The following HECW2 variants were observed in gnomAD, a reference collection of about 807,000 sequenced individuals.
HECW2 encodes E3 ubiquitin-protein ligase HECW2.
A neutral mutation model predicts 175.2 loss-of-function variants in HECW2; 61 were observed. That is an observed-to-expected ratio of 0.35 (90% CI 0.28 to 0.43). HECW2 has a LOEUF of 0.43. Among genes scored for constraint, HECW2 ranks in the 20% least tolerant of loss-of-function variants. The pLI is 1.00. For synonymous variants in HECW2, 671 were observed against 731.0 expected (o/e 0.92, Z 1.32); for missense variants, 1,524 against 2,000.5 (o/e 0.76, Z 4.54).
intron 1 of HECW2, among the ~76,000 whole-genome samples, chr2:196,528,997 C>G (rs1449775718): frequency 6.6e-6 from 1 of 152,202 alleles, no homozygotes; most frequent in African/African-American, 2.4e-5. Flanking sequence ...CTAATGAGAG[C>G]AATTCTTGCC....
In HECW2 at chr2:196,318,725, GC is replaced by G; in HGVS notation, c.2164del (p.Ala722GlnfsTer108). On this transcript the variant is annotated frameshift_variant, in exon 9 of 29. Coordinates refer to ENST00000644978, the MANE Select transcript of HECW2 (RefSeq NM_001348768.2). LOFTEE classifies it high-confidence loss of function. Reference sequence around the variant, plus strand: ...CTGGTCAGGTACAGTGGCCGATTCTGCCCCTGGCCCTTCATCCTCCCCACTG... The same window carrying G: ...CTGGTCAGGTACAGTGGCCGATTCTGCCCTGGCCCTTCATCCTCCCCACTG... The part of the protein sequence containing the change: ...VPSGEDEGPG[A>X]ESATVPDQEE... 6.5e-7 allele frequency: 1 copy of G among 1,547,374 alleles called. No individual in the cohort carries two copies.
At chr2:196,543,089 G>A (rs911624616) in intron 1 of HECW2, among the ~76,000 whole-genome samples, 18 of 150,462 alleles carry the variant, frequency 1.2e-4, no homozygotes, top group Non-Finnish European at 2.7e-4. Context: ...GCTATCACTG[G>A]GAGGTAGCAT....
chr2:196,318,483 G>A (rs1011297537), intron 9 of HECW2, 69 bp downstream of exon 9: 1 of 1,376,494 alleles, frequency 7.3e-7, no homozygotes, highest in East Asian at 2.7e-5. Flanking sequence ...ACATTGAGGG[G>A]AAAACTACAG....
At chr2:196,392,983 C>T (rs561159275) in intron 2 of HECW2, among the ~76,000 whole-genome samples, 2 of 152,164 alleles carry the variant, frequency 1.3e-5, no homozygotes, top group Non-Finnish European at 2.9e-5. Context: ...CAGAACAGAG[C>T]CCTCAGAAAT....
intron 28 of HECW2, among the ~76,000 whole-genome samples, chr2:196,202,928 C>T (rs1686918262): frequency 6.6e-6 from 1 of 152,172 alleles, no homozygotes; most frequent in Non-Finnish European, 1.5e-5. Flanking sequence ...TTACGTTTCA[C>T]ATGCACCTTG....
chr2:196,476,635 T>A (rs563595828), intron 1 of HECW2, among the ~76,000 whole-genome samples: 1 of 152,294 alleles, frequency 6.6e-6, no homozygotes, highest in South Asian at 2.1e-4. Context: ...AGATTTTTTT[T>A]AATCCACAAG....
intron 6 of HECW2, among the ~76,000 whole-genome samples, chr2:196,323,796 T>C (rs1692036207): frequency 6.6e-6 from 1 of 152,196 alleles, no homozygotes; most frequent in Non-Finnish European, 1.5e-5. Context: ...TACTGCTTGT[T>C]TCATTATCAT....
intron 2 of HECW2, among the ~76,000 whole-genome samples, chr2:196,417,326 T>C (rs1390013769): frequency 1.3e-5 from 2 of 152,228 alleles, no homozygotes; most frequent in Non-Finnish European, 2.9e-5. Flanking sequence ...CATAGAATTG[T>C]GGAGATTCCA....
chr2:196,538,528 G>A (rs554568617), intron 1 of HECW2, among the ~76,000 whole-genome samples: 2 of 152,256 alleles, frequency 1.3e-5, no homozygotes, highest in Non-Finnish European at 2.9e-5. Flanking sequence ...GTACATTTTT[G>A]GGAGATTTAG....
At chr2:196,263,210 A>C (rs1270903904) in intron 17 of HECW2, 4 of 152,226 alleles carry the variant, frequency 2.6e-5, no homozygotes, top group African/African-American at 9.7e-5. Flanking sequence ...CTCAGGAAAA[A>C]GTCTCCAGCT....
chr2:196,242,016 T>A, intron 20 of HECW2, 68 bp downstream of exon 20: 2 of 1,462,658 alleles, frequency 1.4e-6, no homozygotes, highest in South Asian at 2.4e-5. Flanking sequence ...ATCAATTTCC[T>A]AGAGGCCCAA....
rs552611385 is a variant in HECW2, at chr2:196,248,654, A to AGAGG, written c.3529+5262_3529+5265dup. On this transcript the variant is annotated intron_variant, in intron 19 of 28. Transcript: ENST00000644978. ...CACAGAGAGAGACAGAGAGGAATAGAGAGGGAGGAAGGAAGAAAAGGAGAG... is the reference window on the plus strand; with the variant it reads ...CACAGAGAGAGACAGAGAGGAATAGAGAGGGAGGGAGGAAGGAAGAAAAGGAGAG... 3.3e-5 allele frequency among the ~76,000 whole-genome samples: 5 copies of AGAGG among 151,832 alleles called. No individual in the cohort carries two copies. In the East Asian group the frequency reaches 9.6e-4, roughly 29 times the overall value.
rs562195838 is a variant in HECW2 at position 196,341,258 on chromosome 2, C to T, written c.400+2399G>A. ...CACTCCAACAGGCAATAATTACCAG[C>T]AGCCTTCAGCATTTTGGAGTGATTT... On this transcript the variant is annotated intron_variant, in intron 3 of 28. Transcript: ENST00000644978. Among the ~76,000 whole-genome samples, 7 of 152,294 alleles carry T rather than the reference C, an allele frequency of 4.6e-5. No homozygotes were observed. In the East Asian group the frequency reaches 1.2e-3, roughly 25 times the overall value.
chr2:196,221,417 T>G (rs1170799709), intron 24 of HECW2, among the ~76,000 whole-genome samples: 2 of 152,144 alleles, frequency 1.3e-5, no homozygotes, highest in Non-Finnish European at 2.9e-5. Context: ...AATTATAAAC[T>G]GGTATATAAT....
chr2:196,503,410 G>C (rs577660564), intron 1 of HECW2, among the ~76,000 whole-genome samples: 4 of 152,184 alleles, frequency 2.6e-5, no homozygotes, highest in Non-Finnish European at 5.9e-5. Flanking sequence ...TAGATCTATG[G>C]GCAGTAGTGG....
At chr2:196,517,362 C>T (rs548662722) in intron 1 of HECW2, among the ~76,000 whole-genome samples, 1 of 152,150 alleles carries the variant, frequency 6.6e-6, no homozygotes, top group African/African-American at 2.4e-5. Flanking sequence ...CACTTTCAAA[C>T]TAAATTACCA....
intron 2 of HECW2, among the ~76,000 whole-genome samples, chr2:196,384,010 G>A (rs554063676): frequency 1.4e-4 from 22 of 152,326 alleles, no homozygotes; most frequent in African/African-American, 5.3e-4. Flanking sequence ...CTGAGGGTTA[G>A]ATGAGGTGAG....
At chr2:196,335,409 C>CAA (rs1559049737) in intron 3 of HECW2, among the ~76,000 whole-genome samples, 1 of 152,138 alleles carries the variant, frequency 6.6e-6, no homozygotes, top group African/African-American at 2.4e-5. Context: ...CCCAAGGTGT[C>CAA]GTTCTAAATA....
Sources: allele counts gnomAD v4.1 joint callset (sites outside exome capture counted in the v4.1 genomes callset), GRCh38; gene constraint gnomAD v4.1.1; transcripts MANE v1.5; gene names NCBI Gene and HGNC (gene_info 2026-07-23, HGNC 2026-07-21).